PGS1: variants seen among roughly 807,000 people sequenced by gnomAD.
PGS1 encodes the protein CDP-diacylglycerol--glycerol-3-phosphate 3-phosphatidyltransferase, mitochondrial.
Under a neutral mutation model 58.3 loss-of-function variants are expected in PGS1, and 44 were observed. That is an observed-to-expected ratio of 0.75 (90% CI 0.59 to 0.97). PGS1 has a LOEUF of 0.97. PGS1 is among the 50% of genes least tolerant of loss of function. The pLI is 0.00. For missense variants in PGS1, 684 were observed against 731.1 expected (o/e 0.94, Z 0.74); for synonymous variants, 330 against 311.0 (o/e 1.06, Z -0.64).
intron 7 of PGS1, among the ~76,000 whole-genome samples, chr17:78,406,896 T>C (rs2084194983): frequency 6.6e-6 from 1 of 152,224 alleles, no homozygotes; most frequent in African/African-American, 2.4e-5. Context: ...TCCTGGCCTG[T>C]GGCTTCTGAC....
At chr17:78,398,037 G>T (rs2083372863) in intron 3 of PGS1, 1 of 626,168 alleles carries the variant, frequency 1.6e-6, no homozygotes, top group East Asian at 3.3e-5. Flanking sequence ...ATTCCTGGAG[G>T]CCTGGGCCGA....
rs1345474845 is a variant in PGS1 at position 78,414,695 on chromosome 17, C to T, written c.1403-184C>T. On this transcript the variant is annotated intron_variant, in intron 7 of 9. Transcript: ENST00000262764. ...CGCCCTGATCCTGGGTCCCTGCTTCCTGCCGCGCCGGGGTGGGGGTGGAAG... is the reference window on the plus strand; with the variant it reads ...CGCCCTGATCCTGGGTCCCTGCTTCTTGCCGCGCCGGGGTGGGGGTGGAAG... Among the ~76,000 whole-genome samples, 3 of 152,174 alleles carry T rather than the reference C, an allele frequency of 2.0e-5. No homozygotes were observed. The East Asian group carries it at 5.8e-4, about 29-fold the overall frequency.
At chr17:78,412,740 C>G (rs1051165702) in intron 7 of PGS1, among the ~76,000 whole-genome samples, 5 of 152,196 alleles carry the variant, frequency 3.3e-5, no homozygotes, top group Admixed American at 3.3e-4. Context: ...GGCCTTCCTA[C>G]TCATCACTGT....
In PGS1 at chr17:78,395,064, T is replaced by C. The variant is rs968692384; in HGVS notation, c.334-1244T>C. Among the ~76,000 whole-genome samples, 3 of 152,136 alleles carry C rather than the reference T, an allele frequency of 2.0e-5. No homozygotes were observed. In the South Asian group the frequency reaches 6.2e-4, roughly 32 times the overall value. On this transcript the variant is annotated intron_variant, in intron 2 of 9. Coordinates refer to ENST00000262764, the MANE Select transcript of PGS1 (RefSeq NM_024419.5). Reference sequence around the variant, plus strand: ...CCTTTCCCTGCCATCTGGGCTGAAGTGTGGGCAGATTCTTCTGGTTTGTGT... The same window carrying C: ...CCTTTCCCTGCCATCTGGGCTGAAGCGTGGGCAGATTCTTCTGGTTTGTGT...
intron 1 of PGS1, among the ~76,000 whole-genome samples, chr17:78,388,928 T>G (rs1173808754): frequency 2.0e-5 from 3 of 152,182 alleles, no homozygotes. Context: ...TGCCTGGTTC[T>G]TCATTTGTAC....
chr17:78,403,204 C>T (rs990687833), intron 6 of PGS1, among the ~76,000 whole-genome samples: 1 of 152,184 alleles, frequency 6.6e-6, no homozygotes, highest in African/African-American at 2.4e-5. Context: ...GGACCTGCTT[C>T]CTGGAGGCCC....
rs1196271639 is a variant in PGS1 at position 78,407,587 on chromosome 17, C to T, written c.1402+3498C>T. ...GAAAATTCCTGCCGGTGGCTATGCA[C>T]TGATACCTCCACTCCCTTACTCAGG... On this transcript the variant is annotated intron_variant, in intron 7 of 9. Coordinates refer to ENST00000262764, the MANE Select transcript of PGS1 (RefSeq NM_024419.5). Among the ~76,000 whole-genome samples the T allele has an allele frequency of 2.0e-5, 3 of 152,240 alleles. No individual in the cohort carries two copies. The East Asian group carries it at 5.8e-4, about 29-fold the overall frequency.
chr17:78,408,934 C>T (rs941908105), intron 7 of PGS1, among the ~76,000 whole-genome samples: 1 of 152,178 alleles, frequency 6.6e-6, no homozygotes, highest in African/African-American at 2.4e-5. Flanking sequence ...GCTTTCCTTC[C>T]CAAGCCTGGT....
At chr17:78,423,563 A>AC (rs200255181) in intron 9 of PGS1, 452 of 298,196 alleles carry the variant, frequency 1.5e-3, no homozygotes, top group African/African-American at 6.1e-3. Flanking sequence ...AACTCCACTG[A>AC]CCCCCCCGGG....
chr17:78,420,137 AG>A, intron 9 of PGS1: 1 of 1,020,710 alleles, frequency 9.8e-7, no homozygotes, highest in Non-Finnish European at 1.2e-6. Flanking sequence ...TGTAGTGCAC[AG>A]GGTGGGGCGT....
At chr17:78,385,154 T>A (rs948261118) in intron 1 of PGS1, among the ~76,000 whole-genome samples, 1 of 152,228 alleles carries the variant, frequency 6.6e-6, no homozygotes, top group Admixed American at 6.5e-5. Context: ...AGTCTTGCTC[T>A]GTCGCCCAGG....
chr17:78,403,310 A>T (rs1433036596), intron 6 of PGS1, among the ~76,000 whole-genome samples: 1 of 150,826 alleles, frequency 6.6e-6, no homozygotes, highest in Non-Finnish European at 1.5e-5. Context: ...GCTTGTTTGT[A>T]ATTGGAATGA....
rs1386517226 is a variant in PGS1, at chr17:78,391,636, C to A, written c.144-840C>A. Among the ~76,000 whole-genome samples, 4 of 152,216 alleles carry A rather than the reference C, an allele frequency of 2.6e-5. No homozygotes were observed. The East Asian group carries it at 7.7e-4, about 29-fold the overall frequency. Reference sequence around the variant, plus strand: ...GGGACTACAGTCACATACCACCACGCCCGGCTAATTTTTGTATTTTTAGTA... The same window carrying A: ...GGGACTACAGTCACATACCACCACGACCGGCTAATTTTTGTATTTTTAGTA... On this transcript the variant is annotated intron_variant, in intron 1 of 9. Coordinates refer to ENST00000262764, the MANE Select transcript of PGS1 (RefSeq NM_024419.5).
intron 7 of PGS1, among the ~76,000 whole-genome samples, chr17:78,414,506 C>T (rs553656264): frequency 1.3e-5 from 2 of 152,294 alleles, no homozygotes; most frequent in Admixed American, 1.3e-4. Context: ...GCCCTGAGCT[C>T]TCTGGGGAGA....
At chr17:78,397,457 A>G (rs1014466172) in intron 3 of PGS1, among the ~76,000 whole-genome samples, 25 of 106,818 alleles carry the variant, frequency 2.3e-4, no homozygotes, top group African/African-American at 8.1e-4. Context: ...TTTTTTTGAG[A>G]CGGAGTTTTG....
intron 9 of PGS1, chr17:78,421,672 C>CTCGGTAAACAGAG (rs1329357074): frequency 1.3e-5 from 2 of 152,272 alleles, no homozygotes; most frequent in African/African-American, 4.8e-5. Flanking sequence ...GAGAGAGGCT[C>CTCGGTAAACAGAG]TCGGTAAACA....
chr17:78,398,219 CTT>C (rs766347640), intron 3 of PGS1, 31 bp from the exon 4 acceptor site: 1 of 1,471,964 alleles, frequency 6.8e-7, no homozygotes, highest in East Asian at 2.3e-5. Context: ...CTCTTTGGGT[CTT>C]AATCTTCTTT....
chr17:78,399,893 A>C, intron 5 of PGS1: 1 of 294,010 alleles, frequency 3.4e-6, no homozygotes, highest in East Asian at 8.9e-5. Context: ...AAAAATAAAC[A>C]AGAGTCAGAC....
chr17:78,397,601 A>T (rs988776307), intron 3 of PGS1, among the ~76,000 whole-genome samples: 2 of 142,336 alleles, frequency 1.4e-5, no homozygotes, highest in African/African-American at 5.1e-5. Context: ...CCCCCCAGCT[A>T]ATTTTGTATT....
Sources: gnomAD v4.1 joint callset for allele counts (sites outside exome capture counted in the v4.1 genomes callset) on GRCh38, gnomAD v4.1.1 for gene constraint, MANE v1.5 for transcripts, NCBI Gene and HGNC (gene_info 2026-07-23, HGNC 2026-07-21) for gene names.